The following MCCC1 variants were observed in gnomAD, a reference collection of about 807,000 sequenced individuals.
MCCC1 encodes methylcrotonyl-CoA carboxylase subunit 1.
In MCCC1, 64 loss-of-function variants were observed where a neutral mutation model predicts 83.8. The observed-to-expected ratio is 0.76, with a 90% CI of 0.62 to 0.94. The LOEUF is 0.94. Ranked by LOEUF, MCCC1 falls within the 40% of genes least tolerant of loss-of-function variation. The probability of loss-of-function intolerance (pLI) is 0.00; values close to 1 mark genes in which losing one functional copy is unlikely to be tolerated. For missense variants in MCCC1, 807 were observed against 904.7 expected (o/e 0.89, Z 1.39); for synonymous variants, 322 against 315.4 (o/e 1.02, Z -0.22).
At chr3:183,084,948 A>G (rs1309722562) in intron 4 of MCCC1, among the ~76,000 whole-genome samples, 2 of 152,190 alleles carry the variant, frequency 1.3e-5, no homozygotes, top group Non-Finnish European at 2.9e-5. Context: ...GGTTGCTAGG[A>G]GGTATGCTTA....
At chr3:183,034,421 A>C (rs1336406229) in intron 13 of MCCC1, among the ~76,000 whole-genome samples, 3 of 141,910 alleles carry the variant, frequency 2.1e-5, no homozygotes, top group Non-Finnish European at 4.5e-5. Flanking sequence ...ACTGCACCGG[A>C]TCCAGCCTGG....
intron 4 of MCCC1, among the ~76,000 whole-genome samples, chr3:183,083,370 T>C (rs957339202): frequency 6.6e-6 from 1 of 152,246 alleles, no homozygotes; most frequent in Non-Finnish European, 1.5e-5. Context: ...GGCTAAATTT[T>C]CTGATTTAAT....
At position 183,098,316 on chromosome 3, in the gene MCCC1, A is replaced by G. The variant is rs144855057; in HGVS notation, c.89+1036T>C. 3.5e-3 allele frequency among the ~76,000 whole-genome samples: 540 copies of G among 152,366 alleles called. 1 individual carries two copies. Among genetic ancestry groups the G allele is most frequent in the African/African-American group, 0.012 (515 of 41,592 alleles). ...CATCTACAATATTTCTGGAAAATAA[A>G]AGCAAGCAAACGTTCATATAAATGG... On this transcript the variant is annotated intron_variant, in intron 1 of 18. Transcript: ENST00000265594.
At chr3:183,035,169 A>G (rs1487185615) in intron 13 of MCCC1, among the ~76,000 whole-genome samples, 5 of 152,224 alleles carry the variant, frequency 3.3e-5, no homozygotes, top group African/African-American at 7.2e-5. Context: ...TGAACCTCAT[A>G]TCTGTACCAA....
At chr3:183,054,102 G>C (rs867921586) in intron 8 of MCCC1, among the ~76,000 whole-genome samples, 1 of 150,460 alleles carries the variant, frequency 6.6e-6, no homozygotes, top group East Asian at 2.0e-4. Context: ...GGCTGGTCTC[G>C]AAGTCCTGAT....
chr3:183,041,824 CT>C, intron 10 of MCCC1, 74 bp from the exon 11 acceptor site: 1 of 1,537,174 alleles, frequency 6.5e-7, no homozygotes, highest in Non-Finnish European at 9.0e-7. Context: ...AATGGTCTTG[CT>C]TTTTTTCTAG....
chr3:183,109,999 A>G (rs1719468369), intron 1 of MCCC1, among the ~76,000 whole-genome samples: 2 of 152,158 alleles, frequency 1.3e-5, no homozygotes, highest in Admixed American at 1.3e-4. Context: ...TTCTCTAATG[A>G]TTAGTGATAT....
At chr3:183,066,803 G>T (rs1716289385) in intron 7 of MCCC1, among the ~76,000 whole-genome samples, 1 of 152,140 alleles carries the variant, frequency 6.6e-6, no homozygotes, top group African/African-American at 2.4e-5. Context: ...AATCTTTTTT[G>T]ACTTTTTGCT....
chr3:183,085,274 C>G (rs1409496841), intron 4 of MCCC1, among the ~76,000 whole-genome samples: 2 of 151,960 alleles, frequency 1.3e-5, no homozygotes, highest in African/African-American at 4.8e-5. Flanking sequence ...GAAGCCACAG[C>G]GATTTTATTA....
chr3:183,020,273 AT>A, intron 16 of MCCC1, 36 bp from the exon 17 acceptor site: 1 of 1,461,876 alleles, frequency 6.8e-7, no homozygotes, highest in Non-Finnish European at 9.6e-7. Flanking sequence ...CCGAATCAAC[AT>A]CCTATCACTA....
intron 1 of MCCC1, among the ~76,000 whole-genome samples, chr3:183,110,673 C>G (rs912107965): frequency 1.3e-5 from 2 of 151,490 alleles, no homozygotes; most frequent in Admixed American, 6.6e-5. Flanking sequence ...GGATTACAGG[C>G]GTAAGCCACC....
At chr3:183,114,162 C>T (rs145245249) in intron 1 of MCCC1, among the ~76,000 whole-genome samples, 7 of 152,320 alleles carry the variant, frequency 4.6e-5, no homozygotes, top group East Asian at 1.9e-4. Context: ...TGATTGATAA[C>T]GCCCAAAGCC....
rs554002625 is a variant in MCCC1 at position 183,064,752 on chromosome 3, A to G, written c.761+6247T>C. On this transcript the variant is annotated intron_variant, in intron 7 of 18. Coordinates refer to ENST00000265594, the MANE Select transcript of MCCC1 (RefSeq NM_020166.5). This position sits in a 1 kb window ranked among gnomAD's most constrained non-coding sequence, Gnocchi z 4.5. ...GCCGGCTCCGTGGACAGCAGGGCGA[A>G]GCGGGTAATGTAGGGGTGCAGCACC... is the stretch of plus-strand genomic sequence containing the variant. Among the ~76,000 whole-genome samples, 71 of 152,336 alleles carry G rather than the reference A, an allele frequency of 4.7e-4. 1 individual carries two copies. Among genetic ancestry groups the G allele is most frequent in the African/African-American group, 1.7e-3 (71 of 41,582 alleles).
chr3:183,096,343 AAAAT>A (rs1302578816), intron 1 of MCCC1, among the ~76,000 whole-genome samples: 4 of 151,748 alleles, frequency 2.6e-5, no homozygotes, highest in Admixed American at 2.0e-4. Flanking sequence ...CTCAAAAAAA[AAAAT>A]AAATAAATAA....
intron 16 of MCCC1, among the ~76,000 whole-genome samples, chr3:183,020,781 T>C (rs10937107): frequency 0.5 from 76,681 of 151,964 alleles, 24,112 homozygotes; most frequent in Non-Finnish European, 0.71. Context: ...AGATTTAGGC[T>C]GGGCGCCGTG....
Position 183,070,989 on chromosome 3 carries a change from G to A in MCCC1, c.761+10C>T. ...TTAAACTCTGAGTCAGAAAAATAAG[G>A]CCAACCCACCTCGGTGTGTCTACAA... On this transcript the variant is annotated intron_variant, in intron 7 of 18. Coordinates refer to ENST00000265594, the MANE Select transcript of MCCC1 (RefSeq NM_020166.5). 1.2e-6 allele frequency: 2 copies of A among 1,612,744 alleles called. No homozygotes were observed. The highest frequency in any genetic ancestry group is 2.2e-5 in the East Asian group (1 of 44,872).
At chr3:183,053,407 G>C (rs191642566) in intron 8 of MCCC1, among the ~76,000 whole-genome samples, 1 of 152,192 alleles carries the variant, frequency 6.6e-6, no homozygotes, top group East Asian at 1.9e-4. Context: ...AGGATCACTT[G>C]AGCCCAAGAG....
At chr3:183,088,371 T>C (rs781183843) in intron 3 of MCCC1, among the ~76,000 whole-genome samples, 1 of 152,226 alleles carries the variant, frequency 6.6e-6, no homozygotes, top group Non-Finnish European at 1.5e-5. Flanking sequence ...CACGCCCAGC[T>C]AATTTTTGTA....
At chr3:183,113,692 G>A (rs374954412) in intron 1 of MCCC1, among the ~76,000 whole-genome samples, 4 of 151,366 alleles carry the variant, frequency 2.6e-5, no homozygotes, top group Non-Finnish European at 4.4e-5. Context: ...GACAGAAGAT[G>A]ACTCTGTCTC....
Sources: gnomAD v4.1 joint callset for allele counts (sites outside exome capture counted in the v4.1 genomes callset) on GRCh38, gnomAD v4.1.1 for gene constraint, Gnocchi (gnomAD v3.1) non-coding constraint, MANE v1.5 for transcripts, NCBI Gene and HGNC (gene_info 2026-07-23, HGNC 2026-07-21) for gene names.